EFR3A: variants seen among roughly 807,000 people sequenced by gnomAD.
EFR3A encodes the protein EFR3 homolog A.
EFR3A carries 76 observed loss-of-function variants against 104.4 expected under a neutral mutation model. The observed-to-expected ratio is 0.73, with a 90% confidence interval of 0.60 to 0.88. The LOEUF (loss-of-function observed/expected upper bound fraction) is 0.88, where lower values mean the gene tolerates loss of function less well. EFR3A is among the 40% of genes least tolerant of loss of function. The probability of loss-of-function intolerance (pLI) is 0.00; values close to 1 mark genes in which losing one functional copy is unlikely to be tolerated. For missense variants in EFR3A, 985 were observed against 1,012.5 expected (o/e 0.97, Z 0.37); for synonymous variants, 330 against 330.0 (o/e 1.00, Z 0.00).
intron 18 of EFR3A, among the ~76,000 whole-genome samples, chr8:131,994,020 C>T (rs1821348004): frequency 6.6e-6 from 1 of 152,066 alleles, no homozygotes; most frequent in Non-Finnish European, 1.5e-5. Context: ...ATCTGTACAA[C>T]AAACCCCCAT....
chr8:132,003,385 TAA>T, intron 22 of EFR3A, 100 bp downstream of exon 22: 2 of 1,056,320 alleles, frequency 1.9e-6, no homozygotes, highest in Non-Finnish European at 2.8e-6. Context: ...GTTATCATGT[TAA>T]AGTAATGCTT....
intron 2 of EFR3A, among the ~76,000 whole-genome samples, chr8:131,944,341 A>G (rs1563649397): frequency 6.6e-6 from 1 of 152,126 alleles, no homozygotes; most frequent in Non-Finnish European, 1.5e-5. Flanking sequence ...CTTCTGAATC[A>G]TTAAAAAAGC....
At chr8:131,922,481 A>C (rs1259350602) in intron 1 of EFR3A, among the ~76,000 whole-genome samples, 2 of 152,158 alleles carry the variant, frequency 1.3e-5, no homozygotes, top group Non-Finnish European at 2.9e-5. Flanking sequence ...AAAATTAAAA[A>C]TCTGAAACAC....
At chr8:131,925,292 T>G (rs1817243128) in intron 1 of EFR3A, among the ~76,000 whole-genome samples, 1 of 152,202 alleles carries the variant, frequency 6.6e-6, no homozygotes, top group African/African-American at 2.4e-5. Context: ...ATTTTTGTTA[T>G]GCATTATAAA....
chr8:131,990,506 A>G (rs977073303), intron 18 of EFR3A, among the ~76,000 whole-genome samples: 3 of 152,346 alleles, frequency 2.0e-5, no homozygotes, highest in Middle Eastern at 3.4e-3. Context: ...GTGAATTAAT[A>G]TAGAGTAACA....
chr8:131,987,672 T>C lies in EFR3A; in HGVS notation c.2035T>C (p.Leu679=), dbSNP rs1021729400. The C allele has an allele frequency of 2.1e-5, 33 of 1,596,534 alleles. No homozygotes were observed. Among genetic ancestry groups the C allele is most frequent in the Non-Finnish European group, 2.5e-5 (29 of 1,170,688 alleles). Residue 679 remains leucine (L), a synonymous_variant, in exon 18 of 23, where the codon TTG becomes CTG. Transcript: ENST00000254624. ...LGGSGYSVER[L]SVPYVPQVTD... ...TGGAAGTGGATATAGTGTTGAGAGA[T>C]TGTCAGTTCCGTATGTACCACAAGT...
At chr8:131,997,255 CTAAG>C (rs936872048) in intron 19 of EFR3A, among the ~76,000 whole-genome samples, 1 of 152,042 alleles carries the variant, frequency 6.6e-6, no homozygotes, top group African/African-American at 2.4e-5. Flanking sequence ...GTTTGCCTTC[CTAAG>C]TATTTTATTA....
At chr8:132,009,610 A>G (rs1822224231) in intron 22 of EFR3A, among the ~76,000 whole-genome samples, 1 of 152,086 alleles carries the variant, frequency 6.6e-6, no homozygotes, top group Admixed American at 6.6e-5. Flanking sequence ...GAAAAGGGCA[A>G]CTGTTGAGTT....
chr8:131,945,674 C>T (rs7829737), intron 3 of EFR3A, among the ~76,000 whole-genome samples: 74,411 of 151,762 alleles, frequency 0.49, 18,411 homozygotes, highest in Middle Eastern at 0.57. Context: ...ATTTTACATA[C>T]TTATGGAGTA....
chr8:131,958,321 C>A (rs575005351), intron 7 of EFR3A, among the ~76,000 whole-genome samples: 1 of 152,114 alleles, frequency 6.6e-6, no homozygotes, highest in Non-Finnish European at 1.5e-5. Flanking sequence ...AATTATAAGG[C>A]AAACTACCCA....
intron 8 of EFR3A, among the ~76,000 whole-genome samples, chr8:131,962,878 C>G: frequency 6.6e-6 from 1 of 152,142 alleles, no homozygotes. Flanking sequence ...TCTCTCAGAC[C>G]ACAATGCAAT....
chr8:132,011,190 T>C lies in EFR3A; in HGVS notation c.*295T>C. ...ACTGTTAAGTAGTATGTTTTAAACT[T>C]TTCACAAATGTAATGTTTTTTAAAA... On this transcript the variant is annotated 3_prime_UTR_variant, in exon 23 of 23. Transcript: ENST00000254624. 2 of 1,046,098 alleles carry C rather than the reference T, an allele frequency of 1.9e-6. No individual in the cohort carries two copies. Among genetic ancestry groups the C allele is most frequent in the Non-Finnish European group, 2.3e-6 (2 of 867,524 alleles). 64.8% of individuals were successfully genotyped at this position (1,046,098 alleles called of 1,614,324 possible).
At chr8:131,950,197 A>C (rs1325822514) in intron 5 of EFR3A, 107 bp downstream of exon 5, 1 of 1,184,208 alleles carries the variant, frequency 8.4e-7, no homozygotes, top group Non-Finnish European at 1.2e-6. Flanking sequence ...TGCCTGAAAT[A>C]CGGCTTTCCA....
chr8:131,978,845 A>G lies in EFR3A; in HGVS notation c.1327-2A>G. Reference sequence around the variant, plus strand: ...GTTGTTTGTTTTCTTCTCGATAATCAGGTGACCTCTGGATATAAAGCGAAG... The same window carrying G: ...GTTGTTTGTTTTCTTCTCGATAATCGGGTGACCTCTGGATATAAAGCGAAG... On this transcript the variant is annotated splice_acceptor_variant, in intron 12 of 22. Coordinates refer to ENST00000254624, the MANE Select transcript of EFR3A (RefSeq NM_015137.6). LOFTEE classifies it high-confidence loss of function. 1 of 1,547,662 alleles carries G rather than the reference A, an allele frequency of 6.5e-7. No individual in the cohort carries two copies. The highest frequency in any genetic ancestry group is 8.7e-7 in the Non-Finnish European group (1 of 1,149,180).
chr8:131,906,838 A>G (rs1045080518), intron 1 of EFR3A, among the ~76,000 whole-genome samples: 4 of 152,226 alleles, frequency 2.6e-5, no homozygotes, highest in Non-Finnish European at 4.4e-5. Context: ...CTGTAAACCT[A>G]TAATTTGACA....
Position 131,946,492 on chromosome 8 carries a change from G to C in EFR3A, c.225G>C (p.Leu75Phe), listed in dbSNP as rs770416311. Residue 75 changes from leucine to phenylalanine, a missense_variant, in exon 4 of 23, where the codon TTG becomes TTC. Leu to Phe is a conservative substitution (Grantham distance 22). Transcript: ENST00000254624. ...DVVRHRSGYV[L>F]IAMEALDQLL... The stretch of plus-strand genomic sequence containing the variant: ...TTTCTCCTACATGTAGGTATGTTTT[G>C]ATTGCTATGGAGGCACTGGACCAAC... 3.0e-5 allele frequency: 47 copies of C among 1,578,338 alleles called. No homozygotes were observed. Among genetic ancestry groups the C allele is most frequent in the Non-Finnish European group, 4.0e-5 (46 of 1,163,776 alleles).
intron 2 of EFR3A, among the ~76,000 whole-genome samples, chr8:131,942,117 TGTA>T (rs1818197158): frequency 6.6e-6 from 1 of 152,036 alleles, no homozygotes; most frequent in Non-Finnish European, 1.5e-5. Flanking sequence ...CACTTTAACT[TGTA>T]GTCAGTGAAG....
intron 1 of EFR3A, chr8:131,924,218 A>G: frequency 3.2e-6 from 1 of 313,848 alleles, no homozygotes; most frequent in South Asian, 2.3e-5. Context: ...CCCATTCAGC[A>G]TTTTTATATA....
At chr8:131,910,542 G>A (rs1041166422) in intron 1 of EFR3A, among the ~76,000 whole-genome samples, 1 of 152,202 alleles carries the variant, frequency 6.6e-6, no homozygotes, top group African/African-American at 2.4e-5. Flanking sequence ...CAAAGGGCTG[G>A]AATTACAGGC....
Sources: gnomAD v4.1 joint callset for allele counts (sites outside exome capture counted in the v4.1 genomes callset) on GRCh38, gnomAD v4.1.1 for gene constraint, MANE v1.5 for transcripts, NCBI Gene and HGNC (gene_info 2026-07-23, HGNC 2026-07-21) for gene names.